COL24A1: variants seen among roughly 807,000 people sequenced by gnomAD.
The protein encoded by COL24A1 is collagen alpha-1(XXIV) chain.
COL24A1 carries 224 observed loss-of-function variants against 253.9 expected under a neutral mutation model. The ratio of observed to expected loss-of-function variants is 0.88; its 90% confidence interval spans 0.79 to 0.99. The LOEUF (loss-of-function observed/expected upper bound fraction) is 0.99, where lower values mean the gene tolerates loss of function less well. COL24A1 is among the 50% of genes least tolerant of loss of function. COL24A1 has a pLI of 0.00. For synonymous variants in COL24A1, 685 were observed against 673.7 expected (o/e 1.02, Z -0.26); for missense variants, 2,131 against 2,068.5 (o/e 1.03, Z -0.59).
At chr1:86,137,015 A>G (rs551798162) in intron 2 of COL24A1, among the ~76,000 whole-genome samples, 1 of 152,160 alleles carries the variant, frequency 6.6e-6, no homozygotes, top group African/African-American at 2.4e-5. Flanking sequence ...GGTGGGCAAG[A>G]GAAGAAGAAG....
At chr1:85,838,516 GA>G (rs1051818519) in intron 43 of COL24A1, 68 bp downstream of exon 43, 4 of 1,392,492 alleles carry the variant, frequency 2.9e-6, no homozygotes, top group African/African-American at 2.8e-5. Context: ...TAATGGAATG[GA>G]AAAAATGGAA....
chr1:85,853,701 T>C (rs1298680102), intron 37 of COL24A1, among the ~76,000 whole-genome samples: 1 of 152,222 alleles, frequency 6.6e-6, no homozygotes, highest in East Asian at 1.9e-4. Flanking sequence ...GGTTTTGATT[T>C]GCATTTCTCT....
chr1:85,877,874 GACAA>G (rs776584628), intron 32 of COL24A1, among the ~76,000 whole-genome samples: 3 of 152,038 alleles, frequency 2.0e-5, no homozygotes, highest in Admixed American at 6.5e-5. Flanking sequence ...GCAAATATGT[GACAA>G]ACAAATTTGC....
At chr1:85,810,146 C>T (rs1025532586) in intron 47 of COL24A1, among the ~76,000 whole-genome samples, 3 of 151,950 alleles carry the variant, frequency 2.0e-5, no homozygotes, top group Non-Finnish European at 4.4e-5. Context: ...ACAGCTAAAA[C>T]CAAAATGGTG....
intron 2 of COL24A1, among the ~76,000 whole-genome samples, chr1:86,143,010 A>G (rs1651378861): frequency 6.6e-6 from 1 of 152,206 alleles, no homozygotes; most frequent in South Asian, 2.1e-4. Flanking sequence ...AGATGAAAAT[A>G]TTTCAAATTC....
chr1:86,082,728 T>G (rs1702745066), intron 7 of COL24A1, among the ~76,000 whole-genome samples: 1 of 144,506 alleles, frequency 6.9e-6, no homozygotes, highest in Non-Finnish European at 1.5e-5. Context: ...ATATAATAAT[T>G]AATTTATTAT....
chr1:86,065,770 A>C (rs914934396), intron 7 of COL24A1, among the ~76,000 whole-genome samples: 1 of 151,764 alleles, frequency 6.6e-6, no homozygotes, highest in African/African-American at 2.4e-5. Flanking sequence ...AAAAAAAAAA[A>C]AAAAGAGAGA....
chr1:85,922,956 T>C (rs566316654), intron 24 of COL24A1, among the ~76,000 whole-genome samples: 6 of 150,900 alleles, frequency 4.0e-5, no homozygotes, highest in African/African-American at 1.2e-4. Flanking sequence ...AGGCTCAAAA[T>C]AAATGGATGG....
chr1:86,026,423 T>C (rs1698030086), intron 14 of COL24A1, among the ~76,000 whole-genome samples: 1 of 152,134 alleles, frequency 6.6e-6, no homozygotes, highest in African/African-American at 2.4e-5. Context: ...TTGGGGAGGA[T>C]TCCCCCATGC....
At chr1:86,132,318 C>T (rs1345411152) in intron 2 of COL24A1, among the ~76,000 whole-genome samples, 1 of 152,102 alleles carries the variant, frequency 6.6e-6, no homozygotes, top group African/African-American at 2.4e-5. Context: ...TGTAGGTTGC[C>T]TGTTCACTGT....
chr1:85,830,740 T>G (rs1397095772), intron 43 of COL24A1, among the ~76,000 whole-genome samples: 1 of 152,172 alleles, frequency 6.6e-6, no homozygotes, highest in African/African-American at 2.4e-5. Flanking sequence ...CCCTGACCCC[T>G]TGCGCTTGCC....
At chr1:85,984,452 A>G (rs1302643837) in intron 20 of COL24A1, among the ~76,000 whole-genome samples, 2 of 151,802 alleles carry the variant, frequency 1.3e-5, no homozygotes. Flanking sequence ...TATCTGGAGG[A>G]GGGATGAGAG....
At chr1:86,026,986 T>C (rs1559050893) in intron 14 of COL24A1, among the ~76,000 whole-genome samples, 1 of 152,182 alleles carries the variant, frequency 6.6e-6, no homozygotes, top group Non-Finnish European at 1.5e-5. Context: ...GGTGGCATTT[T>C]GCCCTGCCCT....
At chr1:86,146,471 C>T (rs1651894171) in intron 1 of COL24A1, among the ~76,000 whole-genome samples, 1 of 151,704 alleles carries the variant, frequency 6.6e-6, no homozygotes, top group South Asian at 2.1e-4. Context: ...TCATGTAAAG[C>T]ACAGAAAACA....
At chr1:85,858,356 A>G (rs1256876293) in intron 37 of COL24A1, among the ~76,000 whole-genome samples, 1 of 152,112 alleles carries the variant, frequency 6.6e-6, no homozygotes, top group Admixed American at 6.5e-5. Context: ...ATGTTTTCCA[A>G]TTATTTACTA....
intron 5 of COL24A1, among the ~76,000 whole-genome samples, chr1:86,095,141 T>G (rs1703805670): frequency 6.6e-6 from 1 of 152,050 alleles, no homozygotes; most frequent in Admixed American, 6.6e-5. Context: ...ATAAATATCA[T>G]GTTAAAAATT....
chr1:85,840,758 T>C (rs1676523556), intron 42 of COL24A1, among the ~76,000 whole-genome samples: 1 of 152,136 alleles, frequency 6.6e-6, no homozygotes, highest in South Asian at 2.1e-4. Flanking sequence ...AGATCAGTAA[T>C]CTTTAAAGGT....
rs140557933 is a variant in COL24A1, at chr1:85,990,135, CT to C, written c.2311-2482del. Among the ~76,000 whole-genome samples, 729 of 148,646 alleles carry C rather than the reference CT, an allele frequency of 4.9e-3. 2 individuals are homozygous for C. The highest frequency in any genetic ancestry group is 0.016 in the African/African-American group (651 of 40,646). On this transcript the variant is annotated intron_variant, in intron 19 of 59. Transcript: ENST00000370571. ...ACTGGTTTGTTTTTTCTTTTCTTTT[CT>C]TTTTTTTTTGAAAGAAAGTACATGT...
At chr1:86,063,826 G>C (rs1049835891) in intron 7 of COL24A1, 67 bp from the exon 8 acceptor site, 4 of 1,216,626 alleles carry the variant, frequency 3.3e-6, no homozygotes, top group Non-Finnish European at 4.4e-6. Flanking sequence ...ACGAAACATA[G>C]GTTGCAAGTT....
Sources: gnomAD v4.1 joint callset for allele counts (sites outside exome capture counted in the v4.1 genomes callset) on GRCh38, gnomAD v4.1.1 for gene constraint, MANE v1.5 for transcripts, NCBI Gene and HGNC (gene_info 2026-07-23, HGNC 2026-07-21) for gene names.